PRRC2A: variants seen among roughly 807,000 people sequenced by gnomAD.
The protein encoded by PRRC2A is protein PRRC2A.
PRRC2A carries 59 observed loss-of-function variants against 224.6 expected under a neutral mutation model. The ratio of observed to expected loss-of-function variants is 0.26; its 90% CI spans 0.21 to 0.33. PRRC2A has a LOEUF of 0.33. Ranked by LOEUF, PRRC2A falls within the 10% of genes least tolerant of loss-of-function variation. The pLI is 1.00. For synonymous variants in PRRC2A, 1,194 were observed against 1,109.5 expected (o/e 1.08, Z -1.51); for missense variants, 3,095 against 2,880.7 (o/e 1.07, Z -1.70).
chr6:31,636,474 G>A lies in PRRC2A; in HGVS notation c.5836-36G>A, dbSNP rs1177041639. The A allele has an allele frequency of 1.2e-6, 2 of 1,609,266 alleles. No individual in the cohort carries two copies. The highest frequency in any genetic ancestry group is 1.3e-5 in the African/African-American group (1 of 74,844). On this transcript the variant is annotated intron_variant, in intron 26 of 30. Transcript: ENST00000376033. This position sits in a 1 kb window ranked among gnomAD's most constrained non-coding sequence, Gnocchi z 4.3. ...GGGATAGGGTAGGGAGAATGATTTTGTGGGGGTTGATATATTTCTCCCTGT... is the reference window on the plus strand; with the variant it reads ...GGGATAGGGTAGGGAGAATGATTTTATGGGGGTTGATATATTTCTCCCTGT...
rs1449282454 is a variant in PRRC2A, at chr6:31,626,071, A to G, written c.891A>G (p.Leu297=). 6.2e-7 allele frequency: 1 copy of G among 1,612,636 alleles called. No homozygotes were observed. Among genetic ancestry groups the G allele is most frequent in the Admixed American group, 1.7e-5 (1 of 60,024 alleles). ...GAGGCTCAGGGCCACCAATGCGCTTAGTAGAGCCTGTGGGTCGTCCCTCTA... is the reference window on the plus strand; with the variant it reads ...GAGGCTCAGGGCCACCAATGCGCTTGGTAGAGCCTGTGGGTCGTCCCTCTA... The part of the protein sequence containing the change: ...GPRGSGPPMR[L]VEPVGRPSIL... The change falls in exon 9 of 31, where the codon TTA becomes TTG. Residue 297 remains leucine (L), a synonymous_variant. Coordinates refer to ENST00000376033, the MANE Select transcript of PRRC2A (RefSeq NM_004638.4).
chr6:31,622,930 G>A, intron 2 of PRRC2A, 29 bp downstream of exon 2: 1 of 1,571,824 alleles, frequency 6.4e-7, no homozygotes, highest in Non-Finnish European at 8.8e-7. Context: ...TGCTTCTGAT[G>A]GTTGAAAGCT....
chr6:31,623,259 A>AT (rs3993756), intron 2 of PRRC2A: 41,014 of 314,542 alleles, frequency 0.13, 3,184 homozygotes, highest in African/African-American at 0.29. Context: ...GATTTCATAG[A>AT]TTTTTTTTTT....
At position 31,625,430 on chromosome 6, in the gene PRRC2A, A is replaced by G. The variant is rs763918072; in HGVS notation, c.608-30A>G. 5 of 1,609,328 alleles carry G rather than the reference A, an allele frequency of 3.1e-6. 1 individual carries two copies. In the South Asian group the frequency reaches 5.5e-5, roughly 18 times the overall value. On this transcript the variant is annotated intron_variant, in intron 6 of 30. Coordinates refer to ENST00000376033, the MANE Select transcript of PRRC2A (RefSeq NM_004638.4). This position sits in a 1 kb window ranked among gnomAD's most constrained non-coding sequence, Gnocchi z 4.1. The stretch of plus-strand genomic sequence containing the variant: ...GTGTTCACTTGTCCTCCAATCATTG[A>G]TACCTCTCTCTACCTTTTCCAAAAT...
chr6:31,633,136 G>A (rs1286265843), intron 16 of PRRC2A, 144 bp downstream of exon 16: 1 of 1,262,384 alleles, frequency 7.9e-7, no homozygotes, highest in Non-Finnish European at 1.1e-6. Context: ...TCCATGTCTG[G>A]CTAAGGCAAC....
At position 31,625,854 on chromosome 6, in the gene PRRC2A, C is replaced by A. The variant is rs373606490; in HGVS notation, c.822C>A (p.Pro274=). 1 of 1,589,116 alleles carries A rather than the reference C, an allele frequency of 6.3e-7. No homozygotes were observed. The highest frequency in any genetic ancestry group is 8.6e-7 in the Non-Finnish European group (1 of 1,158,464). ...GACCCCAGGGGCCTTACCGATACCC[C>A]ACTCCTGATGGGCCCAGGTGAGCAA... ...PYGPQGPYRY[P]TPDGPSRFPR... The change falls in exon 8 of 31, where the codon CCC becomes CCA. Residue 274 remains proline, a synonymous_variant. Coordinates refer to ENST00000376033, the MANE Select transcript of PRRC2A (RefSeq NM_004638.4). The surrounding 1 kb of genome is among the most constrained non-coding windows in gnomAD (Gnocchi z 4.1).
chr6:31,634,258 G>A lies in PRRC2A; in HGVS notation c.4742G>A (p.Ser1581Asn). 1.3e-6 allele frequency: 2 copies of A among 1,592,602 alleles called. No homozygotes were observed. Among genetic ancestry groups the A allele is most frequent in the Non-Finnish European group, 1.7e-6 (2 of 1,174,894 alleles). ...LQEESLPPPH[S>N]SGFLGSKPEG... ...TAGGAATCTTTGCCACCTCCTCATA[G>A]CTCTGGATTCTTGGGCTCTAAGCCT... The change falls in exon 19 of 31, where the codon AGC becomes AAC. Residue 1581 changes from serine to asparagine, a missense_variant. This residue lies in a region of PRRC2A where 2,001 missense variants were observed against 1,764.9 expected (regional missense o/e 1.13). Coordinates refer to ENST00000376033, the MANE Select transcript of PRRC2A (RefSeq NM_004638.4).
In PRRC2A at chr6:31,633,009, A is replaced by T. The variant is rs1305146245; in HGVS notation, c.4319+17A>T. The T allele has an allele frequency of 6.6e-7, 1 of 1,509,178 alleles. No individual in the cohort carries two copies. The allele number at this position is 1,509,178 out of a possible 1,614,324, so 93.5% of individuals were successfully genotyped here. The stretch of plus-strand genomic sequence containing the variant: ...GAACCGAAGGTGGGTAGGAACAAAC[A>T]AATTTATTGTGGTTTAAAAATTGGA... On this transcript the variant is annotated intron_variant, in intron 16 of 30. Coordinates refer to ENST00000376033, the MANE Select transcript of PRRC2A (RefSeq NM_004638.4).
intron 15 of PRRC2A, 114 bp downstream of exon 15, chr6:31,630,915 A>G (rs1776481912): frequency 7.2e-7 from 1 of 1,382,672 alleles, no homozygotes. Flanking sequence ...GAGAGGCTGG[A>G]TGGAGTGGCT....
intron 19 of PRRC2A, 24 bp from the exon 20 acceptor site, chr6:31,634,448 T>A (rs781297394): frequency 1.2e-6 from 2 of 1,612,704 alleles, no homozygotes; most frequent in African/African-American, 1.3e-5. Flanking sequence ...TCACTTCTCT[T>A]CTGGTTGGTG....
chr6:31,621,297 C>T (rs1386706214), intron 1 of PRRC2A, among the ~76,000 whole-genome samples: 1 of 147,496 alleles, frequency 6.8e-6, no homozygotes, highest in Non-Finnish European at 1.5e-5. Flanking sequence ...TGTGTTCCCC[C>T]CTCTGGACGC....
intron 18 of PRRC2A, 29 bp downstream of exon 18, chr6:31,634,018 A>G (rs1159874546): frequency 1.3e-6 from 2 of 1,594,396 alleles, no homozygotes; most frequent in East Asian, 4.5e-5. Context: ...ATTGTGCTTC[A>G]CTGCACTCTT....
chr6:31,631,960 A>G lies in PRRC2A; in HGVS notation c.3287A>G (p.Glu1096Gly), dbSNP rs1469636869. Residue 1096 changes from glutamate (E) to glycine (G), a missense_variant, in exon 16 of 31, where the codon GAA (glutamate) becomes GGA (glycine). This residue lies in a region of PRRC2A where 2,001 missense variants were observed against 1,764.9 expected (regional missense o/e 1.13). Transcript: ENST00000376033. The surrounding 1 kb of genome is among the most constrained non-coding windows in gnomAD (Gnocchi z 4.5). ...ETRSEGSEYEEIPKRRRQRGS... is the reference protein window; with the variant it reads ...ETRSEGSEYEGIPKRRRQRGS... Reference sequence around the variant, plus strand: ...CGGAGCGAGGGTTCAGAGTATGAGGAAATCCCCAAGCGGCGCCGGCAGCGG... The same window carrying G: ...CGGAGCGAGGGTTCAGAGTATGAGGGAATCCCCAAGCGGCGCCGGCAGCGG... The G allele has an allele frequency of 6.2e-7, 1 of 1,612,488 alleles. No individual in the cohort carries two copies. Among genetic ancestry groups the G allele is most frequent in the African/African-American group, 1.3e-5 (1 of 74,866 alleles).
At chr6:31,634,592 A>G in intron 20 of PRRC2A, 35 bp downstream of exon 20, 1 of 1,604,588 alleles carries the variant, frequency 6.2e-7, no homozygotes, top group Non-Finnish European at 8.5e-7. Context: ...CTGAGCTGGG[A>G]CTTTTTTGAG....
In PRRC2A at chr6:31,625,994, T is replaced by G. The variant is rs759596324; in HGVS notation, c.840-26T>G. On this transcript the variant is annotated intron_variant, in intron 8 of 30. Transcript: ENST00000376033. The surrounding 1 kb of genome is among the most constrained non-coding windows in gnomAD (Gnocchi z 4.1). ...TCGCATGTGGTTATACAACATGCCA[T>G]ATTTCATTTTCTTTTTTGTGTACAG... 3.1e-6 allele frequency: 5 copies of G among 1,609,816 alleles called. No individual in the cohort carries two copies. Among genetic ancestry groups the G allele is most frequent in the Non-Finnish European group, 4.2e-6 (5 of 1,178,546 alleles).
At position 31,637,554 on chromosome 6, in the gene PRRC2A, G is replaced by A; in HGVS notation, c.6442G>A (p.Asp2148Asn). The part of the protein sequence containing the change: ...RRAEEPGSRG[D>N]KEPGLPPPR ...GGCAGAGGAGCCTGGGTCCCGAGGG[G>A]ACAAGGAGCCTGGGTTGCCCCCACC... The change falls in exon 31 of 31, where the codon GAC becomes AAC. Residue 2148 changes from aspartate (D) to asparagine (N), a missense_variant. Asp to Asn is a conservative substitution (Grantham distance 23, BLOSUM62 1). Coordinates refer to ENST00000376033, the MANE Select transcript of PRRC2A (RefSeq NM_004638.4). 1 of 1,591,738 alleles carries A rather than the reference G, an allele frequency of 6.3e-7. No homozygotes were observed. The highest frequency in any genetic ancestry group is 8.5e-7 in the Non-Finnish European group (1 of 1,169,944).
rs1333962934 is a variant in PRRC2A, at chr6:31,633,052, G to A, written c.4319+60G>A. 130 of 1,447,068 alleles carry A rather than the reference G, an allele frequency of 9.0e-5. 1 individual carries two copies. Among genetic ancestry groups the A allele is most frequent in the Non-Finnish European group, 1.2e-4 (129 of 1,101,652 alleles). 89.6% of individuals were successfully genotyped at this position (1,447,068 alleles called of 1,614,324 possible). On this transcript the variant is annotated intron_variant, in intron 16 of 30. Coordinates refer to ENST00000376033, the MANE Select transcript of PRRC2A (RefSeq NM_004638.4). ...AAATTGGAGGAGGGGGAAAAAGCCTGAGGGAAAGATAAGTTTGGGTGGAGT... is the reference window on the plus strand; with the variant it reads ...AAATTGGAGGAGGGGGAAAAAGCCTAAGGGAAAGATAAGTTTGGGTGGAGT...
At position 31,634,985 on chromosome 6, in the gene PRRC2A, A is replaced by T; in HGVS notation, c.5160+8A>T. 6.2e-7 allele frequency: 1 copy of T among 1,610,796 alleles called. No individual in the cohort carries two copies. The highest frequency in any genetic ancestry group is 8.5e-7 in the Non-Finnish European group (1 of 1,178,406). On this transcript the variant is annotated splice_region_variant and intron_variant, in intron 21 of 30. Coordinates refer to ENST00000376033, the MANE Select transcript of PRRC2A (RefSeq NM_004638.4). ...CACGATGGGGACAGAAAGGTAAAAG[A>T]CCAAAAAAGGATAAGGGGAATGTTT...
intron 30 of PRRC2A, 29 bp downstream of exon 30, chr6:31,637,353 T>G (rs1777554051): frequency 1.2e-6 from 2 of 1,603,692 alleles, no homozygotes; most frequent in African/African-American, 1.3e-5. Flanking sequence ...TGGCCCCAAC[T>G]CTAAATTCGA....
Sources: allele counts gnomAD v4.1 joint callset (sites outside exome capture counted in the v4.1 genomes callset), GRCh38; gene constraint gnomAD v4.1.1; regional missense constraint gnomAD v4.1.1; non-coding constraint Gnocchi (gnomAD v3.1); transcripts MANE v1.5; gene names NCBI Gene and HGNC (gene_info 2026-07-23, HGNC 2026-07-21).